Variants in MAST1 observed in about 807,000 individuals in gnomAD.
MAST1 encodes microtubule associated serine/threonine kinase 1.
A neutral mutation model predicts 124.6 loss-of-function variants in MAST1; 40 were observed. The ratio of observed to expected loss-of-function variants is 0.32; its 90% confidence interval spans 0.25 to 0.42. The LOEUF is 0.42. Among genes scored for constraint, MAST1 ranks in the 10% least tolerant of loss-of-function variants. MAST1 has a pLI of 1.00. For missense variants in MAST1, 1,558 were observed against 2,181.9 expected (o/e 0.71, Z 5.70); for synonymous variants, 938 against 939.4 (o/e 1.00, Z 0.03).
intron 7 of MAST1, among the ~76,000 whole-genome samples, chr19:12,851,136 T>C (rs970735737): frequency 6.6e-6 from 1 of 152,080 alleles, no homozygotes; most frequent in African/African-American, 2.4e-5. Context: ...CCAGTAGAGA[T>C]GGGGTTTTGC....
intron 24 of MAST1, 110 bp from the exon 25 acceptor site, chr19:12,873,214 G>A: frequency 9.6e-7 from 1 of 1,042,440 alleles, no homozygotes; most frequent in Non-Finnish European, 1.4e-6. Context: ...TAGCTGGAGA[G>A]GGAAGGGCCA....
At chr19:12,842,026 G>T (rs982051090) in intron 3 of MAST1, among the ~76,000 whole-genome samples, 6 of 152,162 alleles carry the variant, frequency 3.9e-5, no homozygotes, top group Non-Finnish European at 7.4e-5. Flanking sequence ...GTGTGTCCTT[G>T]TAACTGTGCA....
At chr19:12,859,007 G>A in intron 12 of MAST1, 1 of 534,462 alleles carries the variant, frequency 1.9e-6, no homozygotes, top group Non-Finnish European at 3.3e-6. Context: ...ATCTACTGAT[G>A]TGCTAATCCA....
intron 10 of MAST1, among the ~76,000 whole-genome samples, chr19:12,854,545 A>G (rs1011035656): frequency 6.6e-6 from 1 of 152,098 alleles, no homozygotes; most frequent in Admixed American, 6.6e-5. Context: ...TGCTTCATTC[A>G]TTTTTATAGC....
chr19:12,874,620 G>A lies in MAST1; in HGVS notation c.4463G>A (p.Arg1488His), dbSNP rs762516566. Residue 1488 changes from arginine to histidine, a missense_variant, in exon 26 of 26, where the codon CGC (arginine) becomes CAC (histidine). Arg to His is a conservative substitution (Grantham distance 29). Transcript: ENST00000251472. This position sits in a 1 kb window ranked among gnomAD's most constrained non-coding sequence, Gnocchi z 6.6. Reference sequence around the variant, plus strand: ...TGGGTGTTGGAGGTGGTGGAGGAGCGCACCACGCTGAGCGGTCCTCGCTCC... The same window carrying A: ...TGGGTGTTGGAGGTGGTGGAGGAGCACACCACGCTGAGCGGTCCTCGCTCC... ...ERWVLEVVEE[R>H]TTLSGPRSKP... is the part of the protein sequence containing the mutation. 16 of 1,513,256 alleles carry A rather than the reference G, an allele frequency of 1.1e-5. No homozygotes were observed. The African/African-American group carries it at 1.1e-4, about 11-fold the overall frequency. The allele number at this position is 1,513,256 out of a possible 1,614,324, so 93.7% of individuals were successfully genotyped here.
At chr19:12,861,538 G>A (rs778101110) in intron 12 of MAST1, among the ~76,000 whole-genome samples, 21 of 152,108 alleles carry the variant, frequency 1.4e-4, no homozygotes, top group Admixed American at 1.3e-4. Flanking sequence ...TGGAGCCGAA[G>A]GCAAGTGAGC....
chr19:12,871,634 A>AAAC (rs1568415679), intron 24 of MAST1, among the ~76,000 whole-genome samples: 9 of 150,158 alleles, frequency 6.0e-5, no homozygotes, highest in Non-Finnish European at 1.2e-4. Flanking sequence ...AACAAACAAA[A>AAAC]AAAGAGGGGC....
chr19:12,867,563 G>A lies in MAST1; in HGVS notation c.2229G>A (p.Lys743=). 6.2e-7 allele frequency: 1 copy of A among 1,613,626 alleles called. No individual in the cohort carries two copies. The highest frequency in any genetic ancestry group is 8.5e-7 in the Non-Finnish European group (1 of 1,179,878). The part of the protein sequence containing the change: ...AGSSKREPST[K]GPEEKVAGKR... ...GCAGCAAGCGGGAGCCGAGCACCAA[G>A]GGCCCCGAGGAGAAGGTGGCCGGCA... Residue 743 remains lysine (K), a synonymous_variant, in exon 19 of 26, where the codon AAG becomes AAA. Transcript: ENST00000251472.
At chr19:12,849,519 C>A (rs1031591550) in intron 7 of MAST1, among the ~76,000 whole-genome samples, 1 of 152,034 alleles carries the variant, frequency 6.6e-6, no homozygotes, top group South Asian at 2.1e-4. Flanking sequence ...AAAAAGTTAG[C>A]CGGGCTTGGT....
In MAST1 at chr19:12,843,489, T is replaced by C. The variant is rs1411875232; in HGVS notation, c.249-40T>C. 1.3e-6 allele frequency: 2 copies of C among 1,568,978 alleles called. No homozygotes were observed. ...ACACCCTGAGGAGTTGGGGGACCGC[T>C]GGGGCCTTGTGGCCTCTGAGCACCT... On this transcript the variant is annotated intron_variant, in intron 3 of 25. Coordinates refer to ENST00000251472, the MANE Select transcript of MAST1 (RefSeq NM_014975.3). This position sits in a 1 kb window ranked among gnomAD's most constrained non-coding sequence, Gnocchi z 4.9.
rs906823730 is a variant in MAST1 at position 12,841,169 on chromosome 19, C to T, written c.248+103C>T. 1.8e-5 allele frequency: 12 copies of T among 673,686 alleles called. No homozygotes were observed. Among genetic ancestry groups the T allele is most frequent in the South Asian group, 1.0e-4 (6 of 57,656 alleles). 41.7% of individuals were successfully genotyped at this position (673,686 alleles called of 1,614,324 possible). On this transcript the variant is annotated intron_variant, in intron 3 of 25. Coordinates refer to ENST00000251472, the MANE Select transcript of MAST1 (RefSeq NM_014975.3). The surrounding 1 kb of genome is among the most constrained non-coding windows in gnomAD (Gnocchi z 4.3). ...CTCCTAATTGCACCCGAGCTGGGGC[C>T]TGAGGGGACCAGCGAGTGCCCCAAG...
In MAST1 at chr19:12,865,278, TC is replaced by T. The variant is rs755644550; in HGVS notation, c.1639-36del. The T allele has an allele frequency of 6.3e-7, 1 of 1,578,232 alleles. No homozygotes were observed. Among genetic ancestry groups the T allele is most frequent in the South Asian group, 1.2e-5 (1 of 84,854 alleles). On this transcript the variant is annotated intron_variant, in intron 14 of 25. Transcript: ENST00000251472. The surrounding 1 kb of genome is among the most constrained non-coding windows in gnomAD (Gnocchi z 7.1). ...GGGCACAGCTCTCCCTTGAGGGCCC[TC>T]CTCTGGCTGGGGCGTGGGCTGACAG...
chr19:12,848,205 G>C lies in MAST1; in HGVS notation c.774+148G>C, dbSNP rs117297127. The C allele has an allele frequency of 2.9e-3, 1,971 of 690,508 alleles. 31 individuals are homozygous for C. The highest frequency in any genetic ancestry group is 0.025 in the East Asian group (909 of 36,738). The allele number at this position is 690,508 out of a possible 1,614,324, so 42.8% of individuals were successfully genotyped here. The stretch of plus-strand genomic sequence containing the variant: ...GAGCTGAGGACTCAGGGGTGGAAGT[G>C]GTCCCTTCCCTAGGTCTGACCGACT... On this transcript the variant is annotated intron_variant, in intron 7 of 25. Coordinates refer to ENST00000251472, the MANE Select transcript of MAST1 (RefSeq NM_014975.3).
rs903090951 is a variant in MAST1 at position 12,841,921 on chromosome 19, T to G, written c.248+855T>G. 1.3e-5 allele frequency among the ~76,000 whole-genome samples: 2 copies of G among 152,126 alleles called. No homozygotes were observed. The highest frequency in any genetic ancestry group is 2.9e-5 in the Non-Finnish European group (2 of 68,034). On this transcript the variant is annotated intron_variant, in intron 3 of 25. Coordinates refer to ENST00000251472, the MANE Select transcript of MAST1 (RefSeq NM_014975.3). This position sits in a 1 kb window ranked among gnomAD's most constrained non-coding sequence, Gnocchi z 4.3. ...AGAGAGCCAGGACAAGGCTCTGGGA[T>G]AGGGTCTCACATGTTTATCCGCAAG...
Position 12,838,633 on chromosome 19 carries a change from A to T in MAST1, c.61A>T (p.Ser21Cys). The T allele has an allele frequency of 6.2e-7, 1 of 1,609,896 alleles. No individual in the cohort carries two copies. ...CTCGATGCCCTCCTTCCCCGGCGGC[A>T]GTATGTTCCGCCGCACCAAGAGGTA... is the stretch of plus-strand genomic sequence containing the variant. ...NFSMPSFPGGSMFRRTKSCRT... is the reference protein window; with the variant it reads ...NFSMPSFPGGCMFRRTKSCRT... The change falls in exon 1 of 26, where the codon AGT becomes TGT. Residue 21 changes from serine (S) to cysteine (C), a missense_variant. Ser to Cys is a moderately radical substitution (Grantham distance 112). Transcript: ENST00000251472. This position sits in a 1 kb window ranked among gnomAD's most constrained non-coding sequence, Gnocchi z 4.3.
At position 12,858,513 on chromosome 19, in the gene MAST1, C is replaced by T. The variant is rs773365620; in HGVS notation, c.1158-18C>T. The T allele has an allele frequency of 3.1e-6, 5 of 1,612,800 alleles. No individual in the cohort carries two copies. Among genetic ancestry groups the T allele is most frequent in the African/African-American group, 2.7e-5 (2 of 74,924 alleles). On this transcript the variant is annotated intron_variant, in intron 11 of 25. Transcript: ENST00000251472. ...TGTCTCGGAGGTGACGGCCGGTCCT[C>T]GCTCTCTCCCCCTGCAGCGCTGTCT...
intron 10 of MAST1, among the ~76,000 whole-genome samples, chr19:12,856,206 T>G (rs1568410719): frequency 6.6e-6 from 1 of 151,764 alleles, no homozygotes; most frequent in Non-Finnish European, 1.5e-5. Flanking sequence ...ATCAAAATAA[T>G]TTTCAAGAAA....
intron 4 of MAST1, among the ~76,000 whole-genome samples, chr19:12,846,310 C>T (rs1321822647): frequency 6.6e-6 from 1 of 152,066 alleles, no homozygotes; most frequent in Non-Finnish European, 1.5e-5. Context: ...GCCTTCGCCT[C>T]CCAAAGTGCT....
chr19:12,871,913 CAA>C (rs34674708), intron 24 of MAST1, among the ~76,000 whole-genome samples: 127 of 61,050 alleles, frequency 2.1e-3, no homozygotes, highest in East Asian at 0.015. Flanking sequence ...TAGACTCTTT[CAA>C]AAAAAAAAAA....
Sources: allele counts gnomAD v4.1 joint callset (sites outside exome capture counted in the v4.1 genomes callset), GRCh38; gene constraint gnomAD v4.1.1; non-coding constraint Gnocchi (gnomAD v3.1); transcripts MANE v1.5; gene names NCBI Gene and HGNC (gene_info 2026-07-23, HGNC 2026-07-21).